EDIL3: variants seen among roughly 807,000 people sequenced by gnomAD.
EDIL3 encodes EGF-like repeat and discoidin I-like domain-containing protein 3.
EDIL3 carries 37 observed loss-of-function variants against 67.4 expected under a neutral mutation model. The observed-to-expected ratio is 0.55, with a 90% CI of 0.42 to 0.72. The LOEUF is 0.72. EDIL3 is among the 30% of genes least tolerant of loss of function. The pLI, the probability that EDIL3 is intolerant of heterozygous loss-of-function variation, is 0.00. For missense variants in EDIL3, 527 were observed against 586.3 expected, an observed-to-expected ratio of 0.90 and a Z score of 1.04; for synonymous variants, 195 against 196.3, an observed-to-expected ratio of 0.99 and a Z score of 0.05.
intron 3 of EDIL3, among the ~76,000 whole-genome samples, chr5:84,201,761 A>G (rs1743842854): frequency 6.6e-6 from 1 of 152,162 alleles, no homozygotes; most frequent in African/African-American, 2.4e-5. Flanking sequence ...CATCTACAAC[A>G]TAACTGCGAA....
chr5:84,221,739 GT>G (rs1744346302), intron 3 of EDIL3, among the ~76,000 whole-genome samples: 1 of 151,604 alleles, frequency 6.6e-6, no homozygotes, highest in African/African-American at 2.4e-5. Context: ...TATATATTAG[GT>G]TTTAATATTT....
At chr5:84,273,416 C>G (rs1227125105) in intron 1 of EDIL3, among the ~76,000 whole-genome samples, 1 of 152,148 alleles carries the variant, frequency 6.6e-6, no homozygotes, top group Non-Finnish European at 1.5e-5. Flanking sequence ...ACCTAGCTTT[C>G]CCACATACTT....
chr5:84,218,463 C>A (rs1744276454), intron 3 of EDIL3, among the ~76,000 whole-genome samples: 2 of 152,202 alleles, frequency 1.3e-5, no homozygotes, highest in Admixed American at 1.3e-4. Context: ...AGCCAGGTGG[C>A]TGAATAGAAG....
Position 84,097,824 on chromosome 5 carries a change from C to T in EDIL3, c.651+8825G>A, listed in dbSNP as rs564118082. Among the ~76,000 whole-genome samples the T allele has an allele frequency of 3.4e-4, 51 of 151,284 alleles. No homozygotes were observed. In the East Asian group the frequency reaches 8.8e-3, roughly 26 times the overall value. On this transcript the variant is annotated intron_variant, in intron 6 of 10. Coordinates refer to ENST00000296591, the MANE Select transcript of EDIL3 (RefSeq NM_005711.5). ...AAATAGCTATAAAAGAAAAGAAAAA[C>T]ACAGAGAAATTGACACTGCATATCT...
At chr5:84,038,205 T>C (rs1746058668) in intron 9 of EDIL3, among the ~76,000 whole-genome samples, 1 of 151,888 alleles carries the variant, frequency 6.6e-6, no homozygotes. Flanking sequence ...CCTGAGTGGC[T>C]CTCCTTACGC....
At chr5:84,052,762 T>C (rs1746366356) in intron 9 of EDIL3, among the ~76,000 whole-genome samples, 1 of 152,192 alleles carries the variant, frequency 6.6e-6, no homozygotes, top group East Asian at 1.9e-4. Context: ...GAGCTAACTA[T>C]TCTAAATATA....
At chr5:84,179,050 T>C (rs1748970268) in intron 4 of EDIL3, among the ~76,000 whole-genome samples, 1 of 152,186 alleles carries the variant, frequency 6.6e-6, no homozygotes, top group African/African-American at 2.4e-5. Flanking sequence ...TGTTTGAATA[T>C]AGTATGAAGC....
chr5:84,029,619 TAA>T (rs1745881141), intron 9 of EDIL3, among the ~76,000 whole-genome samples: 1 of 152,206 alleles, frequency 6.6e-6, no homozygotes. Context: ...TTCATAAGGC[TAA>T]GTTATACGTT....
intron 6 of EDIL3, among the ~76,000 whole-genome samples, chr5:84,075,884 G>GTGCA (rs1284565267): frequency 1.4e-4 from 12 of 86,308 alleles, no homozygotes; most frequent in African/African-American, 5.1e-4. Flanking sequence ...GTGCAAAAGT[G>GTGCA]TGCACGCACA....
In EDIL3 at chr5:84,064,745, T is replaced by G; in HGVS notation, c.907A>C (p.Arg303=). 1 of 1,613,864 alleles carries G rather than the reference T, an allele frequency of 6.2e-7. No homozygotes were observed. The highest frequency in any genetic ancestry group is 8.5e-7 in the Non-Finnish European group (1 of 1,179,792). The part of the protein sequence containing the change: ...YVRLYPQVCR[R]HCTLRMELLG... Reference sequence around the variant, plus strand: ...AGTTCCATTCGCAAAGTGCAATGTCTTCGACAAACTTGGGGATAGAGTCTT... The same window carrying G: ...AGTTCCATTCGCAAAGTGCAATGTCGTCGACAAACTTGGGGATAGAGTCTT... The change falls in exon 8 of 11, where the codon AGA becomes CGA. Residue 303 remains arginine, a synonymous_variant. Coordinates refer to ENST00000296591, the MANE Select transcript of EDIL3 (RefSeq NM_005711.5).
intron 3 of EDIL3, among the ~76,000 whole-genome samples, chr5:84,182,767 G>A (rs966551773): frequency 6.6e-6 from 1 of 151,604 alleles, no homozygotes; most frequent in Non-Finnish European, 1.5e-5. Flanking sequence ...CTTCCCGATA[G>A]GACTGATTTT....
At chr5:84,189,934 TTAATAA>T (rs1235392318) in intron 3 of EDIL3, among the ~76,000 whole-genome samples, 3 of 152,134 alleles carry the variant, frequency 2.0e-5, no homozygotes, top group African/African-American at 7.2e-5. Context: ...CATAATATAC[TTAATAA>T]TAATAAAGCT....
At chr5:84,316,288 A>C (rs1746510080) in intron 1 of EDIL3, among the ~76,000 whole-genome samples, 1 of 152,218 alleles carries the variant, frequency 6.6e-6, no homozygotes, top group African/African-American at 2.4e-5. Flanking sequence ...ACTGGGCTAA[A>C]TGCCCCAGTT....
intron 1 of EDIL3, among the ~76,000 whole-genome samples, chr5:84,353,395 T>C (rs531847875): frequency 6.6e-6 from 1 of 152,136 alleles, no homozygotes; most frequent in Non-Finnish European, 1.5e-5. Flanking sequence ...ACTCACAACA[T>C]TGTGACATTC....
chr5:83,984,970 CACACA>C (rs758363299), intron 9 of EDIL3, among the ~76,000 whole-genome samples: 2 of 151,498 alleles, frequency 1.3e-5, no homozygotes, highest in Non-Finnish European at 1.5e-5. Flanking sequence ...CACACACACA[CACACA>C]CACCCCATAA....
chr5:84,083,477 T>C (rs1258338047), intron 6 of EDIL3, among the ~76,000 whole-genome samples: 1 of 152,210 alleles, frequency 6.6e-6, no homozygotes, highest in Non-Finnish European at 1.5e-5. Context: ...GTTTTGTTTC[T>C]TCTAAGCAAA....
intron 1 of EDIL3, among the ~76,000 whole-genome samples, chr5:84,296,419 A>G (rs1163422568): frequency 1.3e-5 from 2 of 152,184 alleles, no homozygotes; most frequent in Non-Finnish European, 2.9e-5. Flanking sequence ...AGTGGCACAT[A>G]CTCAGCAAAT....
At chr5:83,989,354 G>A (rs778259082) in intron 9 of EDIL3, among the ~76,000 whole-genome samples, 1 of 152,092 alleles carries the variant, frequency 6.6e-6, no homozygotes, top group Non-Finnish European at 1.5e-5. Flanking sequence ...TCTTCCCAAT[G>A]TCCAAATGTG....
At chr5:84,015,922 T>G (rs1745596608) in intron 9 of EDIL3, among the ~76,000 whole-genome samples, 1 of 152,156 alleles carries the variant, frequency 6.6e-6, no homozygotes, top group African/African-American at 2.4e-5. Context: ...CAGGGGTGCA[T>G]GTGAAGGTTT....
Sources: gnomAD v4.1 joint callset for allele counts (sites outside exome capture counted in the v4.1 genomes callset) on GRCh38, gnomAD v4.1.1 for gene constraint, MANE v1.5 for transcripts, NCBI Gene and HGNC (gene_info 2026-07-23, HGNC 2026-07-21) for gene names.